MORN4: variants seen among roughly 807,000 people sequenced by gnomAD.
The protein encoded by MORN4 is MORN repeat-containing protein 4.
Under a neutral mutation model 16.4 loss-of-function variants are expected in MORN4, and 8 were observed. The ratio of observed to expected loss-of-function variants is 0.49; its 90% CI spans 0.29 to 0.88. The LOEUF (loss-of-function observed/expected upper bound fraction) is 0.88, where lower values mean the gene tolerates loss of function less well. Among genes scored for constraint, MORN4 ranks in the 40% least tolerant of loss-of-function variants. The pLI is 0.09. For missense variants in MORN4, 159 were observed against 182.9 expected (o/e 0.87, Z 0.75); for synonymous variants, 53 against 68.9 (o/e 0.77, Z 1.14).
At chr10:97,630,691 C>T (rs1421088068) in intron 1 of MORN4, among the ~76,000 whole-genome samples, 1 of 152,212 alleles carries the variant, frequency 6.6e-6, no homozygotes, top group Non-Finnish European at 1.5e-5. Flanking sequence ...TTGATATTGT[C>T]ACTATTTGGG....
Position 97,633,457 on chromosome 10 carries a change from C to A in MORN4, c.-141G>T, listed in dbSNP as rs1359350910. The A allele has an allele frequency of 7.8e-7, 1 of 1,289,914 alleles. No homozygotes were observed. Among genetic ancestry groups the A allele is most frequent in the Non-Finnish European group, 1.0e-6 (1 of 988,898 alleles). 79.9% of individuals were successfully genotyped at this position (1,289,914 alleles called of 1,614,324 possible). On this transcript the variant is annotated 5_prime_UTR_variant, in exon 1 of 5. Transcript: ENST00000307450. This position sits in a 1 kb window ranked among gnomAD's most constrained non-coding sequence, Gnocchi z 4.5. ...CCACCTTGCTCTCCGCCACCTCCACCAGCGATTGCCCCACTTGACGCCGCC... is the reference window on the plus strand; with the variant it reads ...CCACCTTGCTCTCCGCCACCTCCACAAGCGATTGCCCCACTTGACGCCGCC...
At chr10:97,632,638 G>C (rs1024024053) in intron 1 of MORN4, among the ~76,000 whole-genome samples, 15 of 151,926 alleles carry the variant, frequency 9.9e-5, no homozygotes, top group African/African-American at 3.4e-4. Context: ...TGAAGGGTTC[G>C]TTTAGGGAAG....
At chr10:97,618,862 T>C (rs1268045214) in intron 2 of MORN4, among the ~76,000 whole-genome samples, 1 of 151,498 alleles carries the variant, frequency 6.6e-6, no homozygotes, top group Non-Finnish European at 1.5e-5. Context: ...GCCTGCTGTG[T>C]TTGCCTTCTT....
rs1441247421 is a variant in MORN4, at chr10:97,616,525, T to C, written c.293-114A>G. ...CAAAGAAGAGAAAAACTCCCAGCTC[T>C]ACTCAGGAGTACTCTATTGATGAGT... On this transcript the variant is annotated intron_variant, in intron 4 of 4. Transcript: ENST00000307450. The C allele has an allele frequency of 3.9e-6, 5 of 1,285,104 alleles. No individual in the cohort carries two copies. The East Asian group carries it at 9.4e-5, about 24-fold the overall frequency. The allele number at this position is 1,285,104 out of a possible 1,614,324, so 79.6% of individuals were successfully genotyped here.
At chr10:97,622,367 T>C (rs1240636700) in intron 1 of MORN4, among the ~76,000 whole-genome samples, 1 of 151,896 alleles carries the variant, frequency 6.6e-6, no homozygotes, top group South Asian at 2.1e-4. Flanking sequence ...TTCACATTAG[T>C]GGTGAAAGGA....
Position 97,615,027 on chromosome 10 carries a change from T to C in MORN4, c.*1236A>G, listed in dbSNP as rs979382856. The C allele has an allele frequency of 2.0e-5, 3 of 152,552 alleles. No homozygotes were observed. The highest frequency in any genetic ancestry group is 7.2e-5 in the African/African-American group (3 of 41,418). The allele number at this position is 152,552 out of a possible 1,614,324, so 9.4% of individuals were successfully genotyped here. A position where few individuals can be genotyped will look rare whatever the true frequency, so the allele number is the denominator to read the frequency against. ...TGGAGTTAGTCACAAATACAAGTAA[T>C]AAGATTACTGTTTACATGAGTTTTT... On this transcript the variant is annotated 3_prime_UTR_variant, in exon 5 of 5. Transcript: ENST00000307450.
intron 1 of MORN4, among the ~76,000 whole-genome samples, chr10:97,631,312 T>C (rs1314160342): frequency 6.6e-6 from 1 of 152,234 alleles, no homozygotes; most frequent in Non-Finnish European, 1.5e-5. Context: ...TCACCCTTTC[T>C]GCACTCCTGA....
At chr10:97,617,379 C>T (rs1174868414) in intron 2 of MORN4, 57 bp from the exon 3 acceptor site, 1 of 1,344,556 alleles carries the variant, frequency 7.4e-7, no homozygotes, top group South Asian at 1.2e-5. Flanking sequence ...AGGGTCCCTT[C>T]TTACTCTTGT....
rs2041410406 is a variant in MORN4 at position 97,633,040 on chromosome 10, C to T, written c.-31+307G>A. On this transcript the variant is annotated intron_variant, in intron 1 of 4. Transcript: ENST00000307450. The surrounding 1 kb of genome is among the most constrained non-coding windows in gnomAD (Gnocchi z 4.5). ...TTTTCACCTTCCAGGCGCGTTCCTT[C>T]CTGCTATCCGGGCCCGCTCTCCCGC... 6.6e-6 allele frequency among the ~76,000 whole-genome samples: 1 copy of T among 152,192 alleles called. No homozygotes were observed.
chr10:97,630,699 G>C (rs2041388976), intron 1 of MORN4, among the ~76,000 whole-genome samples: 2 of 152,216 alleles, frequency 1.3e-5, no homozygotes, highest in South Asian at 4.1e-4. Context: ...GTCACTATTT[G>C]GGACAGTGTC....
intron 1 of MORN4, among the ~76,000 whole-genome samples, chr10:97,622,737 A>C (rs974791631): frequency 3.3e-5 from 5 of 150,334 alleles, no homozygotes; most frequent in African/African-American, 1.2e-4. Flanking sequence ...GGGAATTAAG[A>C]TACCCCCCAA....
At chr10:97,622,495 G>T (rs2041307242) in intron 1 of MORN4, among the ~76,000 whole-genome samples, 1 of 151,884 alleles carries the variant, frequency 6.6e-6, no homozygotes. Flanking sequence ...AGACCAGCCT[G>T]GGCAATATGG....
At chr10:97,625,018 T>C (rs894078758) in intron 1 of MORN4, among the ~76,000 whole-genome samples, 2 of 152,168 alleles carry the variant, frequency 1.3e-5, no homozygotes, top group African/African-American at 4.8e-5. Context: ...TTAAAATATA[T>C]TATCTAATTT....
upstream of MORN4, among the ~76,000 whole-genome samples, chr10:97,633,944 A>G (rs971221174): frequency 2.6e-5 from 4 of 152,204 alleles, no homozygotes; most frequent in Non-Finnish European, 5.9e-5. The surrounding 1 kb of genome is among the most constrained non-coding windows in gnomAD (Gnocchi z 4.5). Flanking sequence ...TTTTGCATTC[A>G]TTATAGGAAT....
intron 1 of MORN4, among the ~76,000 whole-genome samples, chr10:97,623,702 T>C (rs2041323995): frequency 6.6e-6 from 1 of 151,940 alleles, no homozygotes; most frequent in Admixed American, 6.6e-5. Flanking sequence ...TGCATGCCAC[T>C]GCTCCCAGCT....
Position 97,622,624 on chromosome 10 carries a change from G to A in MORN4, c.-30-2941C>T, listed in dbSNP as rs539636281. 2.3e-4 allele frequency among the ~76,000 whole-genome samples: 34 copies of A among 150,084 alleles called. No homozygotes were observed. In the South Asian group the frequency reaches 3.0e-3, roughly 13 times the overall value. On this transcript the variant is annotated intron_variant, in intron 1 of 4. Transcript: ENST00000307450. ...GTGGAAGGATCGCTTGAACCCAGGAGGCAGAAGTGCAGTGAGCCAAGATCA... is the reference window on the plus strand; with the variant it reads ...GTGGAAGGATCGCTTGAACCCAGGAAGCAGAAGTGCAGTGAGCCAAGATCA...
chr10:97,616,469 A>C, intron 4 of MORN4, 58 bp from the exon 5 acceptor site: 1 of 1,533,354 alleles, frequency 6.5e-7, no homozygotes, highest in Non-Finnish European at 8.8e-7. Context: ...CTCAAAGATG[A>C]GACATATCTT....
In MORN4 at chr10:97,622,858, CATTTATTTATTT is replaced by C. The variant is rs138978764; in HGVS notation, c.-30-3187_-30-3176del. On this transcript the variant is annotated intron_variant, in intron 1 of 4. Coordinates refer to ENST00000307450, the MANE Select transcript of MORN4 (RefSeq NM_178832.4). Reference sequence around the variant, plus strand: ...TCTCTTCATTCATCCCTTCATCTTTCATTTATTTATTTATTTATTTATTTATTTATTTATTTA... The same window carrying C: ...TCTCTTCATTCATCCCTTCATCTTTCATTTATTTATTTATTTATTTATTTA... Among the ~76,000 whole-genome samples, 993 of 138,498 alleles carry C rather than the reference CATTTATTTATTT, an allele frequency of 7.2e-3. 13 individuals are homozygous for C. The highest frequency in any genetic ancestry group is 0.024 in the African/African-American group (871 of 36,178). 90.9% of individuals were successfully genotyped at this position (138,498 alleles called of 152,430 possible).
chr10:97,616,785 T>C lies in MORN4; in HGVS notation c.185A>G (p.Tyr62Cys), dbSNP rs772171076. ...GVLTFSDGSR[Y>C]EGEFAQGKFN... Reference sequence around the variant, plus strand: ...CTTGCCCTGGGCAAACTCCCCCTCATACCTGCAGAAACACCAAGAAGTTAG... The same window carrying C: ...CTTGCCCTGGGCAAACTCCCCCTCACACCTGCAGAAACACCAAGAAGTTAG... The change falls in exon 4 of 5, where the codon TAT becomes TGT. Residue 62 changes from tyrosine (Y) to cysteine (C), a missense_variant and splice_region_variant. Transcript: ENST00000307450. The C allele has an allele frequency of 4.4e-6, 7 of 1,608,592 alleles. No homozygotes were observed. Among genetic ancestry groups the C allele is most frequent in the Non-Finnish European group, 5.1e-6 (6 of 1,175,002 alleles).
Sources: allele counts gnomAD v4.1 joint callset (sites outside exome capture counted in the v4.1 genomes callset), GRCh38; gene constraint gnomAD v4.1.1; non-coding constraint Gnocchi (gnomAD v3.1); transcripts MANE v1.5; gene names NCBI Gene and HGNC (gene_info 2026-07-23, HGNC 2026-07-21).